The following MIGA1 variants were observed in gnomAD, a reference collection of about 807,000 sequenced individuals.
MIGA1 encodes family with sequence similarity 73, member A.
MIGA1 carries 58 observed loss-of-function variants against 82.0 expected under a neutral mutation model. The observed-to-expected ratio is 0.71, with a 90% confidence interval of 0.57 to 0.88. The LOEUF (loss-of-function observed/expected upper bound fraction) is 0.88, where lower values mean the gene tolerates loss of function less well. MIGA1 is among the 40% of genes least tolerant of loss of function. MIGA1 has a pLI of 0.00. For missense variants in MIGA1, 751 were observed against 749.1 expected, an observed-to-expected ratio of 1.00 and a Z score of -0.03; for synonymous variants, 249 against 253.6, an observed-to-expected ratio of 0.98 and a Z score of 0.17.
chr1:77,866,523 T>C, intron 14 of MIGA1, 132 bp downstream of exon 14: 1 of 785,092 alleles, frequency 1.3e-6, no homozygotes, highest in Non-Finnish European at 2.2e-6. Context: ...TCAGGCTAGA[T>C]GAGTGACTTA....
At chr1:77,803,228 G>C (rs1682956405) in intron 3 of MIGA1, 42 bp from the exon 4 acceptor site, 2 of 1,269,806 alleles carry the variant, frequency 1.6e-6, no homozygotes, top group Non-Finnish European at 2.1e-6. Context: ...ATTTATCATT[G>C]GCGTTATTGA....
At chr1:77,808,007 A>T (rs1683169279) in intron 5 of MIGA1, among the ~76,000 whole-genome samples, 1 of 151,898 alleles carries the variant, frequency 6.6e-6, no homozygotes, top group Non-Finnish European at 1.5e-5. Context: ...TTTAGTAGAG[A>T]TGGGGTTTCA....
chr1:77,876,817 A>G lies in MIGA1; in HGVS notation c.*1753A>G, dbSNP rs1646897349. ...ATCTACAAACAAATGAATTGTTTTT[A>G]TGGGTGGAGTTCTTCTATAAGAGTA... is the stretch of plus-strand genomic sequence containing the variant. On this transcript the variant is annotated 3_prime_UTR_variant, in exon 16 of 16. Coordinates refer to ENST00000370791, the MANE Select transcript of MIGA1 (RefSeq NM_198549.4). The G allele has an allele frequency of 6.6e-6, 1 of 152,198 alleles. No individual in the cohort carries two copies. Among genetic ancestry groups the G allele is most frequent in the Non-Finnish European group, 1.5e-5 (1 of 68,028 alleles). 9.4% of individuals were successfully genotyped at this position (152,198 alleles called of 1,614,324 possible).
chr1:77,870,029 T>A (rs1160086946), intron 14 of MIGA1, among the ~76,000 whole-genome samples: 4 of 102,612 alleles, frequency 3.9e-5, no homozygotes, highest in East Asian at 3.8e-4. Context: ...CACTTCCCAG[T>A]AGGGGCGGCC....
chr1:77,786,620 G>A (rs2101690540), intron 2 of MIGA1, among the ~76,000 whole-genome samples: 1 of 152,296 alleles, frequency 6.6e-6, no homozygotes, highest in Admixed American at 6.5e-5. Context: ...TAGGTCAGGG[G>A]CAAAATGCCA....
intron 8 of MIGA1, among the ~76,000 whole-genome samples, chr1:77,853,019 A>G (rs2101916195): frequency 6.6e-6 from 1 of 152,288 alleles, no homozygotes; most frequent in East Asian, 1.9e-4. Context: ...TTACTTTATG[A>G]GCTTTTGTAA....
chr1:77,807,333 T>TA (rs913888290), intron 5 of MIGA1, among the ~76,000 whole-genome samples: 16 of 152,090 alleles, frequency 1.1e-4, no homozygotes, highest in African/African-American at 3.9e-4. Flanking sequence ...AGCTAATTTT[T>TA]AAAAAAAATT....
chr1:77,829,731 A>T (rs747795216), intron 7 of MIGA1, among the ~76,000 whole-genome samples: 17 of 152,154 alleles, frequency 1.1e-4, no homozygotes, highest in African/African-American at 4.1e-4. Context: ...TCGGCCTCCC[A>T]AAGTCCTGAG....
chr1:77,875,185 A>C lies in MIGA1; in HGVS notation c.*121A>C. ...CATGTGGATTCAGGGAGGAAAAAAA[A>C]ATCTACTAAAAAATGAGCAACTGTA... On this transcript the variant is annotated 3_prime_UTR_variant, in exon 16 of 16. Coordinates refer to ENST00000370791, the MANE Select transcript of MIGA1 (RefSeq NM_198549.4). The C allele has an allele frequency of 2.6e-6, 2 of 772,488 alleles. No homozygotes were observed. The highest frequency in any genetic ancestry group is 4.2e-6 in the Non-Finnish European group (2 of 479,400). 47.9% of individuals were successfully genotyped at this position (772,488 alleles called of 1,614,324 possible).
intron 8 of MIGA1, among the ~76,000 whole-genome samples, chr1:77,844,446 C>T (rs1486391235): frequency 6.6e-6 from 1 of 151,884 alleles, no homozygotes. Context: ...AAAAGGCTAA[C>T]CATAAATAAA....
rs1571008038 is a variant in MIGA1 at position 77,860,273 on chromosome 1, A to G, written c.1275+147A>G. On this transcript the variant is annotated intron_variant, in intron 11 of 15. Transcript: ENST00000370791. The stretch of plus-strand genomic sequence containing the variant: ...CATTAAGTTATGCTCGGGTTGAACT[A>G]TGTATAAAGTCCACACTATTTCAAC... 13 of 588,108 alleles carry G rather than the reference A, an allele frequency of 2.2e-5. No individual in the cohort carries two copies. In the East Asian group the frequency reaches 3.4e-4, roughly 15 times the overall value. 36.4% of individuals were successfully genotyped at this position (588,108 alleles called of 1,614,324 possible).
chr1:77,835,831 C>T (rs1479618841), intron 7 of MIGA1, among the ~76,000 whole-genome samples: 1 of 152,082 alleles, frequency 6.6e-6, no homozygotes, highest in Non-Finnish European at 1.5e-5. Flanking sequence ...ACCTCTAATT[C>T]CGGCTACTTG....
intron 7 of MIGA1, among the ~76,000 whole-genome samples, chr1:77,841,119 A>C (rs1367471185): frequency 2.0e-5 from 3 of 152,166 alleles, no homozygotes; most frequent in Non-Finnish European, 2.9e-5. Flanking sequence ...TTTATTCTCT[A>C]GTTTAATGGA....
At chr1:77,818,323 G>A (rs577720178) in intron 7 of MIGA1, among the ~76,000 whole-genome samples, 4 of 151,928 alleles carry the variant, frequency 2.6e-5, no homozygotes, top group South Asian at 4.2e-4. Context: ...GGGATTCTCC[G>A]TGTTGGTCAG....
chr1:77,789,873 A>G (rs1245885076), intron 2 of MIGA1, among the ~76,000 whole-genome samples: 1 of 152,144 alleles, frequency 6.6e-6, no homozygotes, highest in African/African-American at 2.4e-5. Flanking sequence ...ACTAGGTACC[A>G]TGAGTCAATT....
intron 13 of MIGA1, among the ~76,000 whole-genome samples, chr1:77,864,756 A>G (rs1685600375): frequency 6.6e-6 from 1 of 152,228 alleles, no homozygotes; most frequent in African/African-American, 2.4e-5. Context: ...AACTGAGCTC[A>G]TCCTTTGATA....
chr1:77,848,991 A>AT (rs1297389447), intron 8 of MIGA1, among the ~76,000 whole-genome samples: 1 of 151,688 alleles, frequency 6.6e-6, no homozygotes, highest in Non-Finnish European at 1.5e-5. Flanking sequence ...GTTTGGCTGA[A>AT]TTTATATAGA....
intron 8 of MIGA1, among the ~76,000 whole-genome samples, chr1:77,844,131 TATATATAGATAG>T (rs1209375842): frequency 1.8e-3 from 193 of 108,060 alleles, no homozygotes; most frequent in Non-Finnish European, 3.0e-3. Context: ...TATATATATA[TATATATAGATAG>T]ATAGATAGAT....
chr1:77,817,210 A>G (rs1683604493), intron 7 of MIGA1, among the ~76,000 whole-genome samples: 1 of 152,134 alleles, frequency 6.6e-6, no homozygotes, highest in African/African-American at 2.4e-5. Flanking sequence ...TTCCTTGGGT[A>G]CAGTCTCAGA....
Sources: gnomAD v4.1 joint callset for allele counts (sites outside exome capture counted in the v4.1 genomes callset) on GRCh38, gnomAD v4.1.1 for gene constraint, MANE v1.5 for transcripts, NCBI Gene and HGNC (gene_info 2026-07-23, HGNC 2026-07-21) for gene names.